PRDM5: variants seen among roughly 807,000 people sequenced by gnomAD.
PRDM5 encodes PR domain zinc finger protein 5.
In PRDM5, 56 loss-of-function variants were observed where a neutral mutation model predicts 81.2. That is an observed-to-expected ratio of 0.69 (90% CI 0.56 to 0.86). PRDM5 has a LOEUF of 0.86. Among genes scored for constraint, PRDM5 ranks in the 40% least tolerant of loss-of-function variants. PRDM5 has a pLI of 0.00. For missense variants in PRDM5, 697 were observed against 770.1 expected (o/e 0.91, Z 1.12); for synonymous variants, 267 against 256.4 (o/e 1.04, Z -0.39).
intron 12 of PRDM5, among the ~76,000 whole-genome samples, chr4:120,779,426 T>C (rs1321962223): frequency 4.6e-5 from 7 of 152,070 alleles, no homozygotes; most frequent in Non-Finnish European, 8.8e-5. Flanking sequence ...CCTTTATTTA[T>C]TGAAAGTCAA....
chr4:120,800,146 T>C (rs1301853247), intron 8 of PRDM5, among the ~76,000 whole-genome samples: 5 of 152,164 alleles, frequency 3.3e-5, no homozygotes, highest in Non-Finnish European at 2.9e-5. Flanking sequence ...TAAATGTACA[T>C]AGTAGAGAGT....
chr4:120,770,265 G>A lies in PRDM5; in HGVS notation c.1537+6923C>T, dbSNP rs1248352424. 1.3e-5 allele frequency among the ~76,000 whole-genome samples: 2 copies of A among 152,066 alleles called. 1 individual carries two copies. The highest frequency in any genetic ancestry group is 1.3e-4 in the Admixed American group (2 of 15,248). ...GCTGGTCTCAAACTCCTGACCTCAG[G>A]TGATCTGCCCACCTCAACCTCCCAA... On this transcript the variant is annotated intron_variant, in intron 13 of 15. Coordinates refer to ENST00000264808, the MANE Select transcript of PRDM5 (RefSeq NM_018699.4).
intron 2 of PRDM5, among the ~76,000 whole-genome samples, chr4:120,887,793 T>G (rs1337742027): frequency 5.5e-5 from 5 of 91,710 alleles, no homozygotes; most frequent in South Asian, 3.9e-4. Context: ...ATCCTTTTTT[T>G]TTTTTTTTTT....
chr4:120,855,523 T>C (rs1166464377), intron 2 of PRDM5, among the ~76,000 whole-genome samples: 1 of 152,144 alleles, frequency 6.6e-6, no homozygotes, highest in Non-Finnish European at 1.5e-5. Context: ...ATTCCAAAAA[T>C]GTCCAGCAAC....
rs3115310 is a variant in PRDM5, at chr4:120,853,360, T to C, written c.300+58A>G. Reference sequence around the variant, plus strand: ...AAATTTAAAACAGGGAGTACAGTCATATATTAATTCATCCCCCCTCACAGT... The same window carrying C: ...AAATTTAAAACAGGGAGTACAGTCACATATTAATTCATCCCCCCTCACAGT... On this transcript the variant is annotated intron_variant, in intron 3 of 15. Transcript: ENST00000264808. 0.24 allele frequency: 386,499 copies of C among 1,608,842 alleles called. 49,896 individuals carry two copies. The highest frequency in any genetic ancestry group is 0.38 in the African/African-American group (28,650 of 74,802).
chr4:120,703,329 G>C (rs1735651450), intron 15 of PRDM5, among the ~76,000 whole-genome samples: 1 of 152,124 alleles, frequency 6.6e-6, no homozygotes, highest in Non-Finnish European at 1.5e-5. Context: ...GAGACTACAA[G>C]TGTGTGCCGC....
intron 2 of PRDM5, among the ~76,000 whole-genome samples, chr4:120,859,782 C>A (rs1760351632): frequency 6.6e-6 from 1 of 152,166 alleles, no homozygotes; most frequent in Non-Finnish European, 1.5e-5. Context: ...TCTCTACCAT[C>A]TATAGCCCTT....
intron 2 of PRDM5, among the ~76,000 whole-genome samples, chr4:120,871,897 T>A (rs343206): frequency 0.43 from 64,772 of 151,624 alleles, 14,086 homozygotes; most frequent in Non-Finnish European, 0.47. Flanking sequence ...TCACGCCTGT[T>A]ATCCCAACAC....
intron 3 of PRDM5, among the ~76,000 whole-genome samples, chr4:120,849,920 G>C (rs1374612781): frequency 3.9e-5 from 6 of 152,042 alleles, no homozygotes; most frequent in Admixed American, 3.3e-4. Flanking sequence ...TCAGAAGTCT[G>C]AACATACAGT....
At chr4:120,755,162 ATAAT>A (rs1487242473) in intron 13 of PRDM5, among the ~76,000 whole-genome samples, 18 of 152,250 alleles carry the variant, frequency 1.2e-4, no homozygotes, top group Admixed American at 6.5e-5. Flanking sequence ...AAACTAAATA[ATAAT>A]TAATCCATAC....
At chr4:120,723,486 A>C (rs997553683) in intron 14 of PRDM5, among the ~76,000 whole-genome samples, 2 of 152,178 alleles carry the variant, frequency 1.3e-5, no homozygotes, top group African/African-American at 4.8e-5. Flanking sequence ...TAATCTTACA[A>C]AAGAAGAATA....
intron 14 of PRDM5, among the ~76,000 whole-genome samples, chr4:120,750,463 A>C (rs1743817718): frequency 6.6e-6 from 1 of 152,188 alleles, no homozygotes; most frequent in Non-Finnish European, 1.5e-5. Context: ...AGGATCCTTA[A>C]GAAAAGCCTG....
chr4:120,814,469 G>A (rs1050485779), intron 7 of PRDM5, among the ~76,000 whole-genome samples: 1 of 152,098 alleles, frequency 6.6e-6, no homozygotes. Context: ...CTTTCAACAC[G>A]CTGTGAGCTA....
rs1445009250 is a variant in PRDM5, at chr4:120,887,994, G to A, written c.177+19480C>T. Among the ~76,000 whole-genome samples the A allele has an allele frequency of 6.0e-5, 7 of 116,632 alleles. 2 individuals are homozygous for A. In the East Asian group the frequency reaches 7.4e-4, roughly 12 times the overall value. The allele number at this position is 116,632 out of a possible 152,430, so 76.5% of individuals were successfully genotyped here. A position where few individuals can be genotyped will look rare whatever the true frequency, so the allele number is the denominator to read the frequency against. On this transcript the variant is annotated intron_variant, in intron 2 of 15. Coordinates refer to ENST00000264808, the MANE Select transcript of PRDM5 (RefSeq NM_018699.4). ...TTTTTAGTAGAGACGGGGTTTCACC[G>A]TTTTAGCCGGGATGGTCTCGATCTC...
intron 2 of PRDM5, among the ~76,000 whole-genome samples, chr4:120,898,711 G>A (rs922600663): frequency 2.6e-5 from 4 of 152,096 alleles, no homozygotes; most frequent in Non-Finnish European, 2.9e-5. Context: ...GTTCAAGTTC[G>A]TATCAGACAG....
At chr4:120,888,863 T>C (rs1174722415) in intron 2 of PRDM5, among the ~76,000 whole-genome samples, 1 of 152,244 alleles carries the variant, frequency 6.6e-6, no homozygotes, top group East Asian at 1.9e-4. Flanking sequence ...TATCTTTTCA[T>C]GTTCATTGGC....
intron 1 of PRDM5, among the ~76,000 whole-genome samples, chr4:120,909,069 TCCTATGTG>T (rs1356569910): frequency 6.6e-6 from 1 of 152,124 alleles, no homozygotes; most frequent in Non-Finnish European, 1.5e-5. Flanking sequence ...TTCCAAATAA[TCCTATGTG>T]GGAGTTTCCC....
intron 13 of PRDM5, among the ~76,000 whole-genome samples, chr4:120,775,944 T>C (rs531274118): frequency 2.6e-5 from 4 of 152,260 alleles, no homozygotes; most frequent in African/African-American, 9.6e-5. Flanking sequence ...ATTAGTTCCT[T>C]ACTTATGTAC....
In PRDM5 at chr4:120,693,007, G is replaced by C. The variant is rs1264528591; in HGVS notation, c.*2104C>G. On this transcript the variant is annotated 3_prime_UTR_variant, in exon 16 of 16. Transcript: ENST00000264808. Reference sequence around the variant, plus strand: ...GGACTTGTTTTGGTTTCAGTCCTCTGAAAGGAGAGAGTGGTGTACCACTCT... The same window carrying C: ...GGACTTGTTTTGGTTTCAGTCCTCTCAAAGGAGAGAGTGGTGTACCACTCT... 1 of 152,030 alleles carries C rather than the reference G, an allele frequency of 6.6e-6. No individual in the cohort carries two copies. The highest frequency in any genetic ancestry group is 1.5e-5 in the Non-Finnish European group (1 of 68,002). The allele number at this position is 152,030 out of a possible 1,614,324, so 9.4% of individuals were successfully genotyped here.
Sources: allele counts gnomAD v4.1 joint callset (sites outside exome capture counted in the v4.1 genomes callset), GRCh38; gene constraint gnomAD v4.1.1; transcripts MANE v1.5; gene names NCBI Gene and HGNC (gene_info 2026-07-23, HGNC 2026-07-21).